CNTNAP2: variants seen among roughly 807,000 people sequenced by gnomAD.
The protein encoded by CNTNAP2 is contactin associated protein 2.
A neutral mutation model predicts 155.2 loss-of-function variants in CNTNAP2; 98 were observed. The observed-to-expected ratio is 0.63, with a 90% confidence interval of 0.54 to 0.75. CNTNAP2 has a LOEUF of 0.75. Among genes scored for constraint, CNTNAP2 ranks in the 30% least tolerant of loss-of-function variants. The pLI is 0.00. For missense variants in CNTNAP2, 1,727 were observed against 1,688.1 expected, an observed-to-expected ratio of 1.02 and a Z score of -0.40; for synonymous variants, 651 against 631.2, an observed-to-expected ratio of 1.03 and a Z score of -0.47.
At chr7:146,880,083 C>G (rs1358198829) in intron 3 of CNTNAP2, among the ~76,000 whole-genome samples, 1 of 152,072 alleles carries the variant, frequency 6.6e-6, no homozygotes, top group African/African-American at 2.4e-5. Flanking sequence ...CCTCCCACAA[C>G]ACATGGGAAT....
At chr7:147,461,621 C>T (rs1176375939) in intron 10 of CNTNAP2, among the ~76,000 whole-genome samples, 3 of 150,268 alleles carry the variant, frequency 2.0e-5, no homozygotes, top group Non-Finnish European at 3.0e-5. Context: ...GAAAGTAGTC[C>T]AGCTTTGGGG....
chr7:147,310,253 T>C (rs1394108294), intron 9 of CNTNAP2, among the ~76,000 whole-genome samples: 1 of 152,160 alleles, frequency 6.6e-6, no homozygotes, highest in Non-Finnish European at 1.5e-5. Context: ...AATACTCAGA[T>C]TTAAGGAATG....
chr7:146,622,289 A>C (rs1799339884), intron 1 of CNTNAP2, among the ~76,000 whole-genome samples: 1 of 148,552 alleles, frequency 6.7e-6, no homozygotes, highest in African/African-American at 2.5e-5. Context: ...CTATATATAT[A>C]TATGTTTTAG....
intron 11 of CNTNAP2, among the ~76,000 whole-genome samples, chr7:147,540,196 T>C (rs2116741944): frequency 6.6e-6 from 1 of 152,292 alleles, no homozygotes; most frequent in African/African-American, 2.4e-5. Flanking sequence ...CAGCTCCTAC[T>C]TGCTCCTCTT....
intron 22 of CNTNAP2, among the ~76,000 whole-genome samples, chr7:148,391,404 G>A (rs762289122): frequency 8.2e-6 from 1 of 121,490 alleles, no homozygotes; most frequent in Non-Finnish European, 1.6e-5. Flanking sequence ...TTTATAGGGG[G>A]ATGAGGTAAA....
chr7:147,409,278 C>T (rs181347151), intron 10 of CNTNAP2, among the ~76,000 whole-genome samples: 2 of 152,112 alleles, frequency 1.3e-5, no homozygotes, highest in African/African-American at 2.4e-5. Context: ...TTTGACAAAG[C>T]TGACAAATAT....
At chr7:147,642,269 T>A (rs913124513) in intron 13 of CNTNAP2, among the ~76,000 whole-genome samples, 1 of 152,130 alleles carries the variant, frequency 6.6e-6, no homozygotes, top group African/African-American at 2.4e-5. Context: ...CAGCTTTATG[T>A]TCTTTATTTT....
chr7:146,971,927 A>G (rs1443321149), intron 3 of CNTNAP2, among the ~76,000 whole-genome samples: 1 of 152,192 alleles, frequency 6.6e-6, no homozygotes, highest in African/African-American at 2.4e-5. Flanking sequence ...AATTTATATC[A>G]CGCATCTACT....
chr7:146,374,759 C>A (rs184436604), intron 1 of CNTNAP2, among the ~76,000 whole-genome samples: 2 of 152,080 alleles, frequency 1.3e-5, no homozygotes, highest in Non-Finnish European at 2.9e-5. Context: ...GCCATTCATA[C>A]GGATTAAAAT....
At chr7:146,369,860 A>G in intron 1 of CNTNAP2, among the ~76,000 whole-genome samples, 1 of 152,118 alleles carries the variant, frequency 6.6e-6, no homozygotes, top group East Asian at 1.9e-4. Context: ...ATTTTGACAT[A>G]CACAAATGGC....
chr7:146,633,559 T>A (rs1263919424), intron 1 of CNTNAP2, among the ~76,000 whole-genome samples: 1 of 152,108 alleles, frequency 6.6e-6, no homozygotes, highest in Non-Finnish European at 1.5e-5. Flanking sequence ...ATGCTGCCGT[T>A]ATCTGAACAG....
chr7:146,692,039 T>C (rs1472564949), intron 1 of CNTNAP2, among the ~76,000 whole-genome samples: 1 of 152,094 alleles, frequency 6.6e-6, no homozygotes, highest in Non-Finnish European at 1.5e-5. Flanking sequence ...ATGTGTAAAA[T>C]TGGTCAGAGA....
At chr7:147,197,225 T>C (rs1345843750) in intron 8 of CNTNAP2, among the ~76,000 whole-genome samples, 1 of 152,084 alleles carries the variant, frequency 6.6e-6, no homozygotes, top group East Asian at 1.9e-4. Flanking sequence ...AGGCCACTAC[T>C]TCATTTACGT....
chr7:146,924,129 G>A (rs1361092501), intron 3 of CNTNAP2, among the ~76,000 whole-genome samples: 1 of 152,138 alleles, frequency 6.6e-6, no homozygotes, highest in African/African-American at 2.4e-5. Context: ...TCCCTGCCAT[G>A]TTCTGTCCCA....
chr7:147,922,762 G>T (rs1163370461), intron 14 of CNTNAP2, among the ~76,000 whole-genome samples: 1 of 152,130 alleles, frequency 6.6e-6, no homozygotes, highest in Non-Finnish European at 1.5e-5. Flanking sequence ...AAGTCTTTAT[G>T]CAGAAACAGC....
chr7:146,371,973 A>G (rs976679802), intron 1 of CNTNAP2, among the ~76,000 whole-genome samples: 13 of 151,316 alleles, frequency 8.6e-5, no homozygotes, highest in Non-Finnish European at 1.3e-4. Context: ...AAAAAAAAAG[A>G]AAAAATTGCA....
intron 13 of CNTNAP2, among the ~76,000 whole-genome samples, chr7:147,701,136 G>A: frequency 6.6e-6 from 1 of 152,130 alleles, no homozygotes; most frequent in East Asian, 1.9e-4. Context: ...TGCTAGTGAG[G>A]TCTTTCAATA....
chr7:147,386,790 T>A (rs1317231225), intron 9 of CNTNAP2, among the ~76,000 whole-genome samples: 6 of 152,212 alleles, frequency 3.9e-5, no homozygotes, highest in Admixed American at 3.3e-4. Context: ...TTTTCAGGAT[T>A]CTTTTCAGCA....
chr7:146,739,212 G>T (rs1042800239), intron 1 of CNTNAP2, among the ~76,000 whole-genome samples: 1 of 151,714 alleles, frequency 6.6e-6, no homozygotes, highest in Non-Finnish European at 1.5e-5. Context: ...CAAGTTTCTT[G>T]AGGTGCAATG....
Sources: allele counts gnomAD v4.1 joint callset (sites outside exome capture counted in the v4.1 genomes callset), GRCh38; gene constraint gnomAD v4.1.1; transcripts MANE v1.5; gene names NCBI Gene and HGNC (gene_info 2026-07-23, HGNC 2026-07-21).